NFIA: variants seen among roughly 807,000 people sequenced by gnomAD.
NFIA encodes nuclear factor 1 A-type.
In NFIA, 8 loss-of-function variants were observed where a neutral mutation model predicts 62.8. That is an observed-to-expected ratio of 0.13 (90% CI 0.07 to 0.23). NFIA has a LOEUF of 0.23. NFIA is among the 10% of genes least tolerant of loss of function. NFIA has a pLI of 1.00. For synonymous variants in NFIA, 235 were observed against 238.1 expected (o/e 0.99, Z 0.12); for missense variants, 410 against 642.1 (o/e 0.64, Z 3.91).
At chr1:61,369,144 G>A (rs771959545) in intron 6 of NFIA, among the ~76,000 whole-genome samples, 1 of 152,164 alleles carries the variant, frequency 6.6e-6, no homozygotes, top group East Asian at 1.9e-4. Flanking sequence ...TAATATCAGA[G>A]TCGAATCTTA....
chr1:61,300,435 C>A (rs1033831975), intron 3 of NFIA, among the ~76,000 whole-genome samples: 1 of 151,954 alleles, frequency 6.6e-6, no homozygotes, highest in African/African-American at 2.4e-5. Context: ...TTCAAGAACT[C>A]TAAATACTTA....
chr1:61,419,695 A>G (rs1666518303), intron 9 of NFIA, among the ~76,000 whole-genome samples: 4 of 152,198 alleles, frequency 2.6e-5, no homozygotes, highest in Admixed American at 2.6e-4. Context: ...GAGCAAAGCC[A>G]TCTGGCCAGA....
At chr1:61,446,485 T>C (rs1667816683) in intron 10 of NFIA, among the ~76,000 whole-genome samples, 1 of 151,792 alleles carries the variant, frequency 6.6e-6, no homozygotes, top group Non-Finnish European at 1.5e-5. Context: ...TGGGAGGAGA[T>C]AGAGAATGGA....
intron 2 of NFIA, among the ~76,000 whole-genome samples, chr1:61,141,173 G>T (rs568669763): frequency 6.6e-5 from 10 of 152,052 alleles, no homozygotes; most frequent in African/African-American, 2.2e-4. Context: ...TGAAAGTAGG[G>T]GTGGGATAGT....
At chr1:61,369,892 A>G (rs2100461780) in intron 6 of NFIA, among the ~76,000 whole-genome samples, 1 of 152,224 alleles carries the variant, frequency 6.6e-6, no homozygotes, top group South Asian at 2.1e-4. Context: ...AGGGTCTTAT[A>G]TTTTTCCTAC....
chr1:61,175,151 TTA>T (rs869239879), intron 2 of NFIA, among the ~76,000 whole-genome samples: 46 of 151,770 alleles, frequency 3.0e-4, no homozygotes, highest in East Asian at 5.8e-4. Flanking sequence ...ATTATTATTA[TTA>T]TTTTTTGAGA....
chr1:61,427,062 C>T (rs1333675378), intron 10 of NFIA, among the ~76,000 whole-genome samples: 1 of 152,012 alleles, frequency 6.6e-6, no homozygotes, highest in African/African-American at 2.4e-5. Context: ...AGAAATAAGA[C>T]GTGTTTATTA....
intron 2 of NFIA, chr1:61,133,067 A>T (rs1647109936): frequency 6.6e-6 from 1 of 152,246 alleles, no homozygotes. Context: ...GTGTGTGCTT[A>T]AAACGATCCT....
chr1:61,154,994 G>T (rs1016862897), intron 2 of NFIA, among the ~76,000 whole-genome samples: 1 of 152,152 alleles, frequency 6.6e-6, no homozygotes, highest in African/African-American at 2.4e-5. Context: ...GTTTAATTCT[G>T]TCTTGGTTAC....
chr1:61,165,872 C>T (rs897951752), intron 2 of NFIA, among the ~76,000 whole-genome samples: 3 of 152,060 alleles, frequency 2.0e-5, no homozygotes, highest in Non-Finnish European at 2.9e-5. Flanking sequence ...TAATCCAATA[C>T]GTAATCACTT....
intron 2 of NFIA, among the ~76,000 whole-genome samples, chr1:61,232,999 T>C (rs572118373): frequency 6.6e-6 from 1 of 152,304 alleles, no homozygotes; most frequent in South Asian, 2.1e-4. Context: ...TGAGTGTATA[T>C]TGTCTTTGCT....
intron 7 of NFIA, among the ~76,000 whole-genome samples, chr1:61,394,281 C>T (rs1160895569): frequency 1.3e-5 from 2 of 152,214 alleles, no homozygotes; most frequent in Non-Finnish European, 2.9e-5. Context: ...TCAAGCAATT[C>T]TCCTACCTCA....
chr1:61,232,478 G>A (rs1203032036), intron 2 of NFIA, among the ~76,000 whole-genome samples: 1 of 151,490 alleles, frequency 6.6e-6, no homozygotes, highest in Admixed American at 6.6e-5. Context: ...AATTATGCAG[G>A]TCATCTCAAC....
intron 5 of NFIA, among the ~76,000 whole-genome samples, chr1:61,356,437 T>C (rs1044938657): frequency 2.0e-5 from 3 of 152,224 alleles, no homozygotes; most frequent in Admixed American, 6.5e-5. Flanking sequence ...AAAAAATTGT[T>C]ATAGCAGGAG....
At chr1:61,341,346 T>C (rs1283794172) in intron 4 of NFIA, among the ~76,000 whole-genome samples, 3 of 152,082 alleles carry the variant, frequency 2.0e-5, no homozygotes, top group African/African-American at 7.2e-5. Flanking sequence ...CCACTGCACC[T>C]GGCCCATGTA....
intron 7 of NFIA, among the ~76,000 whole-genome samples, chr1:61,393,656 T>C (rs1234361858): frequency 6.6e-6 from 1 of 152,148 alleles, no homozygotes; most frequent in South Asian, 2.1e-4. Context: ...AAGTCCATCC[T>C]AACCACATAG....
chr1:61,240,874 G>T (rs1443748286), intron 2 of NFIA, among the ~76,000 whole-genome samples: 1 of 152,022 alleles, frequency 6.6e-6, no homozygotes, highest in South Asian at 2.1e-4. Context: ...TAAGGGAAAA[G>T]AGTGAAGTTG....
chr1:61,120,003 C>T (rs139272369), intron 2 of NFIA, among the ~76,000 whole-genome samples: 14 of 152,236 alleles, frequency 9.2e-5, no homozygotes, highest in African/African-American at 2.9e-4. Flanking sequence ...ATGCCCACAT[C>T]GCAAAGAAAT....
At chr1:61,258,175 A>G (rs761908190) in intron 2 of NFIA, among the ~76,000 whole-genome samples, 8 of 152,220 alleles carry the variant, frequency 5.3e-5, no homozygotes, top group African/African-American at 1.2e-4. Flanking sequence ...AGCCATTTTC[A>G]TAACTTTTGG....
Sources: gnomAD v4.1 joint callset for allele counts (sites outside exome capture counted in the v4.1 genomes callset) on GRCh38, gnomAD v4.1.1 for gene constraint, MANE v1.5 for transcripts, NCBI Gene and HGNC (gene_info 2026-07-23, HGNC 2026-07-21) for gene names.